Variants in SRGAP2 observed in about 807,000 individuals in gnomAD.
The protein encoded by SRGAP2 is SLIT-ROBO Rho GTPase activating protein 2.
Under a neutral mutation model 57.2 loss-of-function variants are expected in SRGAP2, and 15 were observed. That is an observed-to-expected ratio of 0.26 (90% CI 0.18 to 0.40). The LOEUF (loss-of-function observed/expected upper bound fraction) is 0.40, where lower values mean the gene tolerates loss of function less well. Among genes scored for constraint, SRGAP2 ranks in the 10% least tolerant of loss-of-function variants. The probability of loss-of-function intolerance (pLI) is 1.00; values close to 1 mark genes in which losing one functional copy is unlikely to be tolerated. For missense variants in SRGAP2, 520 were observed against 669.6 expected (o/e 0.78, Z 2.47); for synonymous variants, 249 against 248.0 (o/e 1.00, Z -0.04).
At chr1:206,317,893 G>T (rs535543814) in intron 3 of SRGAP2, among the ~76,000 whole-genome samples, 1 of 151,980 alleles carries the variant, frequency 6.6e-6, no homozygotes, top group South Asian at 2.1e-4. Flanking sequence ...TATATTTAGG[G>T]TGCAGCTGTT....
rs782095451 is a variant in SRGAP2 at position 206,458,809 on chromosome 1, C to T, written c.2694C>T (p.His898=). The T allele has an allele frequency of 6.0e-5, 47 of 780,576 alleles. 1 individual carries two copies. Among genetic ancestry groups the T allele is most frequent in the South Asian group, 3.9e-4 (29 of 74,592 alleles). The allele number at this position is 780,576 out of a possible 1,614,324, so 48.4% of individuals were successfully genotyped here. A position where few individuals can be genotyped will look rare whatever the true frequency, so the allele number is the denominator to read the frequency against. Residue 898 remains histidine, a synonymous_variant, in exon 22 of 23, where the codon CAC becomes CAT. Coordinates refer to ENST00000573034, the MANE Select transcript of SRGAP2 (RefSeq NM_015326.5). The part of the protein sequence containing the change: ...EGPDKCSISG[H]GSLNSISRHS... Reference sequence around the variant, plus strand: ...CAGATAAGTGTTCCATCAGTGGGCACGGGAGCCTCAACTCCATCAGCCGCC... The same window carrying T: ...CAGATAAGTGTTCCATCAGTGGGCATGGGAGCCTCAACTCCATCAGCCGCC...
intron 2 of SRGAP2, among the ~76,000 whole-genome samples, chr1:206,216,391 C>T (rs1188100219): frequency 9.9e-5 from 15 of 151,960 alleles, no homozygotes; most frequent in African/African-American, 3.2e-4. Context: ...CTACGTTTGT[C>T]CAGGATTTAT....
At chr1:206,416,235 C>G (rs138524639) in intron 11 of SRGAP2, among the ~76,000 whole-genome samples, 1 of 152,298 alleles carries the variant, frequency 6.6e-6, no homozygotes, top group African/African-American at 2.4e-5. Context: ...GTCCCTCCAC[C>G]CTCGCCTCCT....
chr1:206,395,925 G>A (rs1329629772), intron 7 of SRGAP2, among the ~76,000 whole-genome samples: 1 of 149,800 alleles, frequency 6.7e-6, no homozygotes, highest in Non-Finnish European at 1.5e-5. Flanking sequence ...TTGGCAGGGT[G>A]TGGGTCTAGA....
At chr1:206,450,605 TTCCC>T in intron 19 of SRGAP2, 140 bp downstream of exon 19, 1 of 609,588 alleles carries the variant, frequency 1.6e-6, no homozygotes, top group Admixed American at 2.8e-5. Flanking sequence ...CTCAATTTCA[TTCCC>T]TTCCTTCCTT....
chr1:206,248,229 AT>A (rs1174160631), intron 2 of SRGAP2, among the ~76,000 whole-genome samples: 1 of 151,852 alleles, frequency 6.6e-6, no homozygotes, highest in Non-Finnish European at 1.5e-5. Flanking sequence ...TACCCTCATG[AT>A]TTACTATCTG....
chr1:206,309,535 A>G (rs1243226565), intron 3 of SRGAP2, among the ~76,000 whole-genome samples: 1 of 150,888 alleles, frequency 6.6e-6, no homozygotes, highest in Non-Finnish European at 1.5e-5. Context: ...TCAAGAAACT[A>G]AATAGGACTG....
At chr1:206,325,801 G>C (rs2102852570) in intron 3 of SRGAP2, among the ~76,000 whole-genome samples, 1 of 152,080 alleles carries the variant, frequency 6.6e-6, no homozygotes, top group East Asian at 1.9e-4. Context: ...TAAATTTTTT[G>C]GTGTGCATAA....
intron 3 of SRGAP2, among the ~76,000 whole-genome samples, chr1:206,342,071 C>T (rs1164858770): frequency 6.6e-6 from 1 of 152,066 alleles, no homozygotes; most frequent in Non-Finnish European, 1.5e-5. Flanking sequence ...TTTAGGAACG[C>T]ATGTTCAGGT....
chr1:206,448,114 T>A (rs1192608846), intron 18 of SRGAP2, among the ~76,000 whole-genome samples: 2 of 152,030 alleles, frequency 1.3e-5, no homozygotes, highest in Admixed American at 1.3e-4. Context: ...TCCTCTCCCT[T>A]CTTTGGGAAG....
At chr1:206,337,954 A>G (rs1163586286) in intron 3 of SRGAP2, among the ~76,000 whole-genome samples, 2 of 152,180 alleles carry the variant, frequency 1.3e-5, no homozygotes, top group Non-Finnish European at 2.9e-5. Flanking sequence ...AACGTCCATA[A>G]ATAGTCCAAG....
chr1:206,240,548 C>A (rs1278503544), intron 2 of SRGAP2, among the ~76,000 whole-genome samples: 1 of 152,132 alleles, frequency 6.6e-6, no homozygotes, highest in Non-Finnish European at 1.5e-5. Context: ...GGATGTCACT[C>A]TTCTTTAGTT....
chr1:206,364,365 G>A (rs1478916533), intron 4 of SRGAP2, among the ~76,000 whole-genome samples: 1 of 144,910 alleles, frequency 6.9e-6, no homozygotes, highest in Non-Finnish European at 1.5e-5. Context: ...TGCAGTGCGC[G>A]ATCTTGACTC....
intron 2 of SRGAP2, among the ~76,000 whole-genome samples, chr1:206,236,337 A>G (rs535872423): frequency 4.6e-5 from 7 of 152,380 alleles, no homozygotes; most frequent in Admixed American, 2.6e-4. Flanking sequence ...TAGACTGACT[A>G]TAAAGGGGTC....
intron 3 of SRGAP2, among the ~76,000 whole-genome samples, chr1:206,307,639 G>A (rs1344837083): frequency 6.6e-6 from 1 of 152,356 alleles, no homozygotes; most frequent in South Asian, 2.1e-4. Flanking sequence ...CGAGCACAGC[G>A]CCGATGGGCC....
Position 206,415,981 on chromosome 1 carries a change from T to C in SRGAP2, c.1441+8T>C, listed in dbSNP as rs1464653211. The C allele has an allele frequency of 1.3e-6, 1 of 779,410 alleles. No homozygotes were observed. Among genetic ancestry groups the C allele is most frequent in the Non-Finnish European group, 2.4e-6 (1 of 417,498 alleles). 48.3% of individuals were successfully genotyped at this position (779,410 alleles called of 1,614,324 possible). A position where few individuals can be genotyped will look rare whatever the true frequency, so the allele number is the denominator to read the frequency against. On this transcript the variant is annotated splice_region_variant and intron_variant, in intron 11 of 22. Coordinates refer to ENST00000573034, the MANE Select transcript of SRGAP2 (RefSeq NM_015326.5). ...AGAAAACCCTGGGAGAAAGTGAGTGTGGGAACCCTCTGCTAGAGGCTTGAC... is the reference window on the plus strand; with the variant it reads ...AGAAAACCCTGGGAGAAAGTGAGTGCGGGAACCCTCTGCTAGAGGCTTGAC...
At chr1:206,375,688 C>G (rs571190238) in intron 4 of SRGAP2, among the ~76,000 whole-genome samples, 1 of 151,926 alleles carries the variant, frequency 6.6e-6, no homozygotes, top group Admixed American at 6.6e-5. Context: ...TCTTCCTGAC[C>G]CCACCCTGAA....
rs527442331 is a variant in SRGAP2 at position 206,440,587 on chromosome 1, C to T, written c.1874+506C>T. ...TTTTTGAGACGGAGTCTTGCTCTGT[C>T]TCCAGGCTGGAGTACAGTGGAGCGA... On this transcript the variant is annotated intron_variant, in intron 17 of 22. Transcript: ENST00000573034. Among the ~76,000 whole-genome samples the T allele has an allele frequency of 2.0e-5, 3 of 151,186 alleles. No individual in the cohort carries two copies. In the South Asian group the frequency reaches 6.3e-4, roughly 32 times the overall value.
chr1:206,434,893 T>G (rs1384380890), intron 14 of SRGAP2, among the ~76,000 whole-genome samples: 2 of 152,274 alleles, frequency 1.3e-5, no homozygotes, highest in Non-Finnish European at 2.9e-5. Flanking sequence ...CTTCACCAAC[T>G]AGAACATAGT....
Sources: allele counts gnomAD v4.1 joint callset (sites outside exome capture counted in the v4.1 genomes callset), GRCh38; gene constraint gnomAD v4.1.1; transcripts MANE v1.5; gene names NCBI Gene and HGNC (gene_info 2026-07-23, HGNC 2026-07-21).